Variants in LGR5 observed in about 807,000 individuals in gnomAD.
LGR5 encodes the protein leucine rich repeat containing G protein-coupled receptor 5, also known as leucine-rich repeat-containing G protein-coupled receptor 5.
Under a neutral mutation model 76.7 loss-of-function variants are expected in LGR5, and 54 were observed. The observed-to-expected ratio is 0.70, with a 90% CI of 0.57 to 0.88. The LOEUF is 0.88. LGR5 is among the 40% of genes least tolerant of loss of function. The pLI is 0.00. For missense variants in LGR5, 1,078 were observed against 1,073.3 expected (o/e 1.00, Z -0.06); for synonymous variants, 406 against 421.9 (o/e 0.96, Z 0.46).
At chr12:71,580,247 T>C (rs1879032487) in intron 15 of LGR5, 31 bp from the exon 16 acceptor site, 1 of 1,572,022 alleles carries the variant, frequency 6.4e-7, no homozygotes, top group Non-Finnish European at 8.6e-7. Context: ...TTTCTTTAAG[T>C]GTTTTTTGTT....
intron 1 of LGR5, among the ~76,000 whole-genome samples, chr12:71,466,148 G>A (rs963489310): frequency 6.6e-6 from 1 of 152,174 alleles, no homozygotes. Flanking sequence ...CTGCTATGAG[G>A]ATTATCCATT....
intron 1 of LGR5, among the ~76,000 whole-genome samples, chr12:71,501,632 G>A (rs752781320): frequency 1.1e-4 from 16 of 152,280 alleles, no homozygotes; most frequent in South Asian, 2.1e-4. Flanking sequence ...ATCCACAAAG[G>A]ATAAGAATTT....
chr12:71,581,018 G>T (rs1565780385), intron 16 of LGR5, among the ~76,000 whole-genome samples: 1 of 152,034 alleles, frequency 6.6e-6, no homozygotes, highest in Admixed American at 6.6e-5. Context: ...CTGTCCTCAG[G>T]GGTGATTACT....
At chr12:71,568,365 A>G (rs1878448156) in intron 11 of LGR5, among the ~76,000 whole-genome samples, 1 of 152,202 alleles carries the variant, frequency 6.6e-6, no homozygotes, top group African/African-American at 2.4e-5. Context: ...AAGGAGATGT[A>G]GCCACTTCCT....
At chr12:71,445,971 A>C (rs553971442) in intron 1 of LGR5, among the ~76,000 whole-genome samples, 3 of 152,174 alleles carry the variant, frequency 2.0e-5, no homozygotes, top group African/African-American at 4.8e-5. Context: ...AGATGGAATA[A>C]CACCCTAGGG....
chr12:71,536,220 G>A (rs1044468842), intron 4 of LGR5, among the ~76,000 whole-genome samples: 7 of 152,204 alleles, frequency 4.6e-5, no homozygotes, highest in Admixed American at 4.6e-4. Flanking sequence ...GCTGAAAATT[G>A]TTGTAAAGAA....
chr12:71,523,438 C>G (rs1875822481), intron 2 of LGR5, among the ~76,000 whole-genome samples: 1 of 151,768 alleles, frequency 6.6e-6, no homozygotes, highest in African/African-American at 2.4e-5. Flanking sequence ...ATTGCTTGAG[C>G]CTAGGAGTTC....
chr12:71,535,516 A>G (rs1876540423), intron 4 of LGR5, among the ~76,000 whole-genome samples: 1 of 152,196 alleles, frequency 6.6e-6, no homozygotes, highest in African/African-American at 2.4e-5. Flanking sequence ...TTACCTAAAA[A>G]AAAAAAATAG....
chr12:71,461,646 T>G (rs12310487), intron 1 of LGR5, among the ~76,000 whole-genome samples: 9,146 of 152,118 alleles, frequency 0.06, 956 homozygotes, highest in African/African-American at 0.21. Flanking sequence ...TCTGTCTCCT[T>G]CCCCTCTCTA....
chr12:71,521,040 T>C (rs1181207227), intron 2 of LGR5, among the ~76,000 whole-genome samples: 9 of 152,176 alleles, frequency 5.9e-5, no homozygotes, highest in Admixed American at 5.9e-4. Context: ...AAGAATAACA[T>C]TTCTTCCCAA....
chr12:71,557,945 C>T lies in LGR5; in HGVS notation c.716+1255C>T, dbSNP rs115445610. 3.2e-3 allele frequency among the ~76,000 whole-genome samples: 480 copies of T among 152,274 alleles called. 2 individuals are homozygous for T. Among genetic ancestry groups the T allele is most frequent in the African/African-American group, 0.011 (461 of 41,556 alleles). The stretch of plus-strand genomic sequence containing the variant: ...GCCCACTGTTCATTTGCACACAGAG[C>T]TTAGGAATTTGTTCATGATCAATTC... On this transcript the variant is annotated intron_variant, in intron 6 of 17. Transcript: ENST00000266674.
At chr12:71,561,602 C>T (rs758853428) in intron 7 of LGR5, among the ~76,000 whole-genome samples, 179 bp from the exon 8 acceptor site, 22 of 152,238 alleles carry the variant, frequency 1.4e-4, no homozygotes, top group Non-Finnish European at 2.9e-4. Flanking sequence ...CAGCACATGA[C>T]TTTTTTTATC....
At chr12:71,545,858 A>G (rs1363570799) in intron 4 of LGR5, among the ~76,000 whole-genome samples, 1 of 152,182 alleles carries the variant, frequency 6.6e-6, no homozygotes, top group African/African-American at 2.4e-5. Context: ...TTACAATAAC[A>G]CCATTTATAA....
chr12:71,489,208 G>A (rs1873959085), intron 1 of LGR5, among the ~76,000 whole-genome samples: 1 of 152,054 alleles, frequency 6.6e-6, no homozygotes, highest in African/African-American at 2.4e-5. Context: ...GCCACACAAT[G>A]GTTATAAAAC....
chr12:71,584,676 C>G lies in LGR5; in HGVS notation c.2666C>G (p.Ala889Gly), dbSNP rs1259939214. The G allele has an allele frequency of 6.2e-7, 1 of 1,614,030 alleles. No homozygotes were observed. The highest frequency in any genetic ancestry group is 1.7e-5 in the Admixed American group (1 of 60,032). ...CCTCCCAGTTCCGTGCCATCACCAGCTTATCCAGTGACTGAGAGCTGCCAT... is the reference window on the plus strand; with the variant it reads ...CCTCCCAGTTCCGTGCCATCACCAGGTTATCCAGTGACTGAGAGCTGCCAT... ...DLPPSSVPSP[A>G]YPVTESCHLS... Residue 889 changes from alanine (A) to glycine (G), a missense_variant, in exon 18 of 18, where the codon GCT becomes GGT. By Grantham distance (60) the Ala-to-Gly change is moderately conservative (BLOSUM62 0). Transcript: ENST00000266674.
Position 71,439,961 on chromosome 12 carries a change from G to C in LGR5, c.-120G>C, listed in dbSNP as rs1300173122. On this transcript the variant is annotated 5_prime_UTR_variant, in exon 1 of 18. Transcript: ENST00000266674. ...TGGGGTCAGGAACGCGGCGTCTGGC[G>C]CTGCAGACGCCCGCTGAGTTGCAGA... 3.4e-6 allele frequency: 3 copies of C among 874,952 alleles called. No individual in the cohort carries two copies. Among genetic ancestry groups the C allele is most frequent in the African/African-American group, 1.8e-5 (1 of 56,398 alleles). 54.2% of individuals were successfully genotyped at this position (874,952 alleles called of 1,614,324 possible).
At chr12:71,527,834 A>C (rs1421597992) in intron 3 of LGR5, among the ~76,000 whole-genome samples, 1 of 152,092 alleles carries the variant, frequency 6.6e-6, no homozygotes, top group Non-Finnish European at 1.5e-5. Flanking sequence ...CCTGTTACAG[A>C]GTGTTTTGGA....
intron 1 of LGR5, among the ~76,000 whole-genome samples, chr12:71,473,831 GTATTCA>G (rs1309193956): frequency 6.6e-6 from 1 of 152,044 alleles, no homozygotes; most frequent in African/African-American, 2.4e-5. Context: ...AATACACTCT[GTATTCA>G]TTTGCAATCA....
At chr12:71,472,152 T>A (rs1873130732) in intron 1 of LGR5, among the ~76,000 whole-genome samples, 1 of 152,154 alleles carries the variant, frequency 6.6e-6, no homozygotes, top group African/African-American at 2.4e-5. Context: ...CCTAGTGAAA[T>A]TTTTTTAAAC....
Sources: allele counts gnomAD v4.1 joint callset (sites outside exome capture counted in the v4.1 genomes callset), GRCh38; gene constraint gnomAD v4.1.1; transcripts MANE v1.5; gene names NCBI Gene and HGNC (gene_info 2026-07-23, HGNC 2026-07-21).